SLC25A48: variants seen among roughly 807,000 people sequenced by gnomAD.
SLC25A48 encodes the protein CTC-321K16.1.
In SLC25A48, 29 loss-of-function variants were observed where a neutral mutation model predicts 32.2. The ratio of observed to expected loss-of-function variants is 0.90; its 90% CI spans 0.67 to 1.23. The LOEUF (loss-of-function observed/expected upper bound fraction) is 1.23, where lower values mean the gene tolerates loss of function less well. Ranked by LOEUF, SLC25A48 falls within the 50% of genes most tolerant of loss-of-function variation. The pLI, the probability that SLC25A48 is intolerant of heterozygous loss-of-function variation, is 0.00. For synonymous variants in SLC25A48, 164 were observed against 172.3 expected (o/e 0.95, Z 0.38); for missense variants, 399 against 422.7 (o/e 0.94, Z 0.49).
At chr5:135,811,665 T>A (rs1307099556) in intron 3 of SLC25A48, among the ~76,000 whole-genome samples, 1 of 152,206 alleles carries the variant, frequency 6.6e-6, no homozygotes, top group African/African-American at 2.4e-5. Context: ...ATACAGCATA[T>A]ACCATTCTTG....
intron 3 of SLC25A48, among the ~76,000 whole-genome samples, chr5:135,775,349 C>G (rs1230070438): frequency 6.6e-6 from 1 of 151,568 alleles, no homozygotes; most frequent in African/African-American, 2.4e-5. Context: ...AATAGGTACA[C>G]CCCTTCTGTG....
intron 7 of SLC25A48, chr5:135,883,008 A>G: frequency 1.0e-6 from 1 of 984,102 alleles, no homozygotes; most frequent in African/African-American, 1.7e-5. Flanking sequence ...CCCAAGATCC[A>G]AGATTTCAAG....
At chr5:135,886,599 AT>A (rs1561567478) in intron 7 of SLC25A48, among the ~76,000 whole-genome samples, 4 of 15,606 alleles carry the variant, frequency 2.6e-4, no homozygotes, top group African/African-American at 4.3e-4. Context: ...ATATATATAT[AT>A]ATATATATAT....
chr5:135,750,452 G>A (rs752292642), intron 3 of SLC25A48, among the ~76,000 whole-genome samples: 2 of 152,158 alleles, frequency 1.3e-5, no homozygotes, highest in Non-Finnish European at 2.9e-5. Flanking sequence ...GTATTCAGTG[G>A]TCTAGCCTGA....
At chr5:135,872,269 AT>A (rs1220823066) in intron 5 of SLC25A48, 1 of 189,444 alleles carries the variant, frequency 5.3e-6, no homozygotes, top group Non-Finnish European at 1.1e-5. Flanking sequence ...CCTGCACCAC[AT>A]CCTTCTTTCA....
At chr5:135,869,352 G>T (rs921072683) in intron 4 of SLC25A48, among the ~76,000 whole-genome samples, 8 of 152,162 alleles carry the variant, frequency 5.3e-5, no homozygotes, top group African/African-American at 1.9e-4. Context: ...ATAAAAGCTA[G>T]ATTGGTTATG....
At chr5:135,786,908 T>G in intron 3 of SLC25A48, among the ~76,000 whole-genome samples, 1 of 152,166 alleles carries the variant, frequency 6.6e-6, no homozygotes, top group Admixed American at 6.5e-5. Flanking sequence ...GTACACCATG[T>G]GTGTACATCC....
At chr5:135,872,918 C>G (rs1452220327) in intron 5 of SLC25A48, among the ~76,000 whole-genome samples, 2 of 152,196 alleles carry the variant, frequency 1.3e-5, no homozygotes, top group African/African-American at 4.8e-5. Context: ...TGCCTGTGCT[C>G]ATGCCCAGCT....
intron 3 of SLC25A48, among the ~76,000 whole-genome samples, chr5:135,685,578 A>G (rs764211654): frequency 1.5e-4 from 23 of 151,844 alleles, no homozygotes; most frequent in Non-Finnish European, 2.5e-4. Context: ...GATTACAGGC[A>G]CGTGCCACCA....
At chr5:135,720,291 G>A (rs1382757812) in intron 3 of SLC25A48, among the ~76,000 whole-genome samples, 6 of 151,956 alleles carry the variant, frequency 3.9e-5, no homozygotes, top group Non-Finnish European at 7.4e-5. Flanking sequence ...GCCAGGGCCC[G>A]GAAGGGTGCT....
chr5:135,667,856 G>C (rs776095868), intron 3 of SLC25A48, among the ~76,000 whole-genome samples: 1 of 152,184 alleles, frequency 6.6e-6, no homozygotes, highest in Non-Finnish European at 1.5e-5. Context: ...ATTCAGGAGG[G>C]AAAAAGATTG....
chr5:135,869,596 A>G (rs58840345), intron 4 of SLC25A48, among the ~76,000 whole-genome samples: 8,858 of 152,304 alleles, frequency 0.058, 323 homozygotes, highest in South Asian at 0.1. Context: ...GGGTCAAGTC[A>G]GTTTTGCCTG....
intron 3 of SLC25A48, among the ~76,000 whole-genome samples, chr5:135,808,062 AT>A (rs1329414983): frequency 1.1e-4 from 17 of 151,214 alleles, no homozygotes; most frequent in African/African-American, 3.9e-4. Context: ...TCTCAATATC[AT>A]AGTGTGTTAA....
At chr5:135,663,352 G>A (rs1008954901) in intron 3 of SLC25A48, among the ~76,000 whole-genome samples, 2 of 152,286 alleles carry the variant, frequency 1.3e-5, no homozygotes, top group African/African-American at 4.8e-5. Context: ...TGAGGGAGCC[G>A]TTTTGTGTAT....
chr5:135,715,604 G>T (rs1308480594), intron 3 of SLC25A48, among the ~76,000 whole-genome samples: 1 of 152,200 alleles, frequency 6.6e-6, no homozygotes, highest in South Asian at 2.1e-4. Flanking sequence ...CTTACTGGAC[G>T]CTCCAAAGCC....
chr5:135,645,287 G>C (rs1056182541), intron 3 of SLC25A48, among the ~76,000 whole-genome samples: 12 of 152,130 alleles, frequency 7.9e-5, no homozygotes, highest in African/African-American at 2.7e-4. Context: ...GTTTTCCATT[G>C]TTATTTTTCA....
intron 3 of SLC25A48, among the ~76,000 whole-genome samples, chr5:135,677,910 T>G (rs1355503758): frequency 6.6e-6 from 1 of 152,194 alleles, no homozygotes; most frequent in Non-Finnish European, 1.5e-5. Context: ...GCTCCTTTAT[T>G]AGTGACTAGA....
intron 3 of SLC25A48, chr5:135,650,364 C>A: frequency 2.2e-6 from 1 of 453,588 alleles, no homozygotes. Flanking sequence ...ACATTGCCAG[C>A]ATTCAAGAGG....
At chr5:135,877,101 A>G (rs1413272189) in intron 6 of SLC25A48, among the ~76,000 whole-genome samples, 2 of 152,206 alleles carry the variant, frequency 1.3e-5, no homozygotes, top group African/African-American at 4.8e-5. Context: ...AGGAATGATC[A>G]GTGGTGCAGC....
Sources: allele counts gnomAD v4.1 joint callset (sites outside exome capture counted in the v4.1 genomes callset), GRCh38; gene constraint gnomAD v4.1.1; transcripts MANE v1.5; gene names NCBI Gene and HGNC (gene_info 2026-07-23, HGNC 2026-07-21).